DPP4: variants seen among roughly 807,000 people sequenced by gnomAD.
DPP4 encodes the protein ADCP-2.
A neutral mutation model predicts 122.4 loss-of-function variants in DPP4; 93 were observed. That is an observed-to-expected ratio of 0.76 (90% confidence interval 0.64 to 0.90). The LOEUF (loss-of-function observed/expected upper bound fraction) is 0.90, where lower values mean the gene tolerates loss of function less well. DPP4 is among the 40% of genes least tolerant of loss of function. The probability of loss-of-function intolerance (pLI) is 0.00; values close to 1 mark genes in which losing one functional copy is unlikely to be tolerated. For synonymous variants in DPP4, 321 were observed against 302.9 expected, an observed-to-expected ratio of 1.06 and a Z score of -0.62; for missense variants, 914 against 907.3, an observed-to-expected ratio of 1.01 and a Z score of -0.09.
Position 162,018,830 on chromosome 2 carries a change from G to C in DPP4, c.1319C>G (p.Thr440Arg), listed in dbSNP as rs374753417. ...CTCACAACTGAGGCATGTCACTTTT[G>C]TATAGTCACTAAGTTGGATTCTGTA... ...NLYKIQLSDY[T>R]KVTCLSCELN... The change falls in exon 16 of 26, where the codon ACA (threonine) becomes AGA (arginine). Residue 440 changes from threonine to arginine, a missense_variant. Thr to Arg is a moderately conservative substitution (Grantham distance 71, BLOSUM62 -1). Coordinates refer to ENST00000360534, the MANE Select transcript of DPP4 (RefSeq NM_001935.4). The C allele has an allele frequency of 6.2e-7, 1 of 1,614,010 alleles. No homozygotes were observed. The highest frequency in any genetic ancestry group is 1.3e-5 in the African/African-American group (1 of 74,914).
At chr2:162,034,756 G>A (rs1683705972) in intron 9 of DPP4, among the ~76,000 whole-genome samples, 1 of 152,140 alleles carries the variant, frequency 6.6e-6, no homozygotes, top group Admixed American at 6.6e-5. Context: ...AACTAGTCAT[G>A]TATCCCGTTA....
chr2:162,069,192 A>T (rs1395264190), intron 2 of DPP4, among the ~76,000 whole-genome samples: 1 of 152,236 alleles, frequency 6.6e-6, no homozygotes, highest in East Asian at 1.9e-4. Flanking sequence ...AGAGGGTAAT[A>T]GTACCTCTCT....
Position 162,018,713 on chromosome 2 carries a change from G to C in DPP4, c.1420+16C>G, listed in dbSNP as rs200753850. 1 of 1,611,864 alleles carries C rather than the reference G, an allele frequency of 6.2e-7. No homozygotes were observed. Among genetic ancestry groups the C allele is most frequent in the Admixed American group, 1.7e-5 (1 of 59,524 alleles). On this transcript the variant is annotated intron_variant, in intron 16 of 25. Transcript: ENST00000360534. ...ACAGCGGCGACTGCCCTCCCTCCCA[G>C]GGAGCTCAGACTTACCGGAACATCT... is the stretch of plus-strand genomic sequence containing the variant.
intron 23 of DPP4, among the ~76,000 whole-genome samples, chr2:162,000,237 G>T (rs1701112699): frequency 6.6e-6 from 1 of 152,072 alleles, no homozygotes; most frequent in Non-Finnish European, 1.5e-5. Flanking sequence ...AATATTAAAT[G>T]ATGCCATTTT....
intron 23 of DPP4, among the ~76,000 whole-genome samples, chr2:162,001,008 C>A (rs532086005): frequency 1.8e-4 from 27 of 152,188 alleles, no homozygotes; most frequent in African/African-American, 6.3e-4. Flanking sequence ...ATTCATTTGT[C>A]TACTGTGCTG....
At chr2:162,069,779 CT>C (rs373034875) in intron 2 of DPP4, among the ~76,000 whole-genome samples, 41 of 152,168 alleles carry the variant, frequency 2.7e-4, no homozygotes, top group African/African-American at 9.4e-4. Context: ...TAGATGCTAT[CT>C]TTTCTCTCTG....
At chr2:161,998,398 G>T (rs2287509) in intron 23 of DPP4, among the ~76,000 whole-genome samples, 103,948 of 151,962 alleles carry the variant, frequency 0.68, 36,945 homozygotes, top group African/African-American at 0.89. Flanking sequence ...CCTCCTTGTT[G>T]CTCTCCAAAT....
At chr2:162,011,154 C>G (rs1682695828) in intron 20 of DPP4, among the ~76,000 whole-genome samples, 1 of 152,146 alleles carries the variant, frequency 6.6e-6, no homozygotes, top group South Asian at 2.1e-4. Context: ...CAACATGCAT[C>G]TTATGAGTAA....
chr2:162,020,595 G>T lies in DPP4; in HGVS notation c.1162C>A (p.Gln388Lys), dbSNP rs774913097. Residue 388 changes from glutamine to lysine, a missense_variant, in exon 13 of 26, where the codon CAA (glutamine) becomes AAA (lysine). Physicochemically the swap from Gln to Lys is moderately conservative, Grantham distance 53. Transcript: ENST00000360534. ...AGAATACTCACTTTTTTATCTATTT[G>T]GAAATAGCAAATGTGTCTGTAACCT... ...EEGYRHICYF[Q>K]IDKKDCTFIT... is the part of the protein sequence containing the mutation. 6.9e-6 allele frequency: 11 copies of T among 1,603,130 alleles called. No homozygotes were observed. Among genetic ancestry groups the T allele is most frequent in the Admixed American group, 3.4e-5 (2 of 57,974 alleles).
chr2:162,003,285 C>G (rs948653116), intron 23 of DPP4, among the ~76,000 whole-genome samples: 1 of 151,898 alleles, frequency 6.6e-6, no homozygotes, highest in Admixed American at 6.6e-5. Flanking sequence ...AAATGGCCAC[C>G]GCAGTCAGGG....
intron 2 of DPP4, among the ~76,000 whole-genome samples, chr2:162,072,634 G>A (rs1226933583): frequency 6.6e-6 from 1 of 152,166 alleles, no homozygotes; most frequent in Non-Finnish European, 1.5e-5. Flanking sequence ...TGTTTAAAAG[G>A]AAAGTAAGGC....
At position 162,024,934 on chromosome 2, in the gene DPP4, T is replaced by A; in HGVS notation, c.893A>T (p.His298Leu). ...TAPASMLIGDHYLCDVTWATQ... is the reference protein window; with the variant it reads ...TAPASMLIGDLYLCDVTWATQ... The stretch of plus-strand genomic sequence containing the variant: ...TGCCCATGTCACATCACACAAGTAG[T>A]GATCCCTGGAAGGAAGAAAGAAAGG... The change falls in exon 11 of 26, where the codon CAC becomes CTC. Residue 298 changes from histidine to leucine, a missense_variant. By Grantham distance (99) the His-to-Leu change is moderately conservative. Coordinates refer to ENST00000360534, the MANE Select transcript of DPP4 (RefSeq NM_001935.4). 1 of 1,612,992 alleles carries A rather than the reference T, an allele frequency of 6.2e-7. No individual in the cohort carries two copies. Among genetic ancestry groups the A allele is most frequent in the Non-Finnish European group, 8.5e-7 (1 of 1,179,938 alleles).
intron 25 of DPP4, among the ~76,000 whole-genome samples, chr2:161,994,508 A>G (rs1700944340): frequency 6.6e-6 from 1 of 152,220 alleles, no homozygotes; most frequent in African/African-American, 2.4e-5. Flanking sequence ...ATCACCTTGT[A>G]ATTGCAAAAA....
At chr2:162,069,555 C>A (rs932525272) in intron 2 of DPP4, among the ~76,000 whole-genome samples, 2 of 152,144 alleles carry the variant, frequency 1.3e-5, no homozygotes, top group African/African-American at 4.8e-5. Context: ...GGAAGCAAAA[C>A]CCAAAATAAC....
rs1226888014 is a variant in DPP4 at position 162,018,947 on chromosome 2, T to C, written c.1299-97A>G. On this transcript the variant is annotated intron_variant, in intron 15 of 25. Transcript: ENST00000360534. ...TATTCTAGTTTCAAAGACAGCAGCA[T>C]GCCAACGCAATCTTTAGGACTTTTT... 4.0e-6 allele frequency: 6 copies of C among 1,488,516 alleles called. No individual in the cohort carries two copies. The South Asian group carries it at 6.4e-5, about 16-fold the overall frequency. 92.2% of individuals were successfully genotyped at this position (1,488,516 alleles called of 1,614,324 possible). A position where few individuals can be genotyped will look rare whatever the true frequency, so the allele number is the denominator to read the frequency against.
chr2:162,021,874 C>T (rs1445235006), intron 12 of DPP4, among the ~76,000 whole-genome samples: 1 of 149,158 alleles, frequency 6.7e-6, no homozygotes, highest in Non-Finnish European at 1.5e-5. Context: ...AAACCTCTCC[C>T]CTCTGCCCAA....
chr2:162,006,774 AC>A (rs1337574091), intron 22 of DPP4, among the ~76,000 whole-genome samples: 1 of 152,142 alleles, frequency 6.6e-6, no homozygotes, highest in East Asian at 1.9e-4. Context: ...ATCTGACATA[AC>A]TGCTTTGAAA....
At chr2:162,003,924 G>T (rs1314652451) in intron 23 of DPP4, among the ~76,000 whole-genome samples, 1 of 152,138 alleles carries the variant, frequency 6.6e-6, no homozygotes. Flanking sequence ...AATAAAATGA[G>T]GATTCAGAGA....
At chr2:162,005,325 A>G (rs1364167580) in intron 23 of DPP4, among the ~76,000 whole-genome samples, 1 of 152,170 alleles carries the variant, frequency 6.6e-6, no homozygotes, top group Non-Finnish European at 1.5e-5. Flanking sequence ...AAAACTGTAC[A>G]TAATTGGCTA....
Sources: gnomAD v4.1 joint callset for allele counts (sites outside exome capture counted in the v4.1 genomes callset) on GRCh38, gnomAD v4.1.1 for gene constraint, MANE v1.5 for transcripts, NCBI Gene and HGNC (gene_info 2026-07-23, HGNC 2026-07-21) for gene names.